The following GRK5 variants were observed in gnomAD, a reference collection of about 807,000 sequenced individuals.
GRK5 encodes g protein-coupled receptor kinase GRK5.
Under a neutral mutation model 78.4 loss-of-function variants are expected in GRK5, and 40 were observed. That is an observed-to-expected ratio of 0.51 (90% confidence interval 0.40 to 0.66). The LOEUF (loss-of-function observed/expected upper bound fraction) is 0.66, where lower values mean the gene tolerates loss of function less well. Ranked by LOEUF, GRK5 falls within the 30% of genes least tolerant of loss-of-function variation. GRK5 has a pLI of 0.00. For missense variants in GRK5, 598 were observed against 759.9 expected, an observed-to-expected ratio of 0.79 and a Z score of 2.50; for synonymous variants, 289 against 296.8, an observed-to-expected ratio of 0.97 and a Z score of 0.27.
chr10:119,286,584 CTGCTTTTCA>C (rs1351072279), intron 1 of GRK5, among the ~76,000 whole-genome samples: 3 of 152,240 alleles, frequency 2.0e-5, no homozygotes, highest in Non-Finnish European at 4.4e-5. Flanking sequence ...TCTGTTGACT[CTGCTTTTCA>C]ATTTGCTATA....
At chr10:119,211,046 A>G (rs1376557994) in intron 1 of GRK5, among the ~76,000 whole-genome samples, 2 of 149,738 alleles carry the variant, frequency 1.3e-5, no homozygotes, top group African/African-American at 5.0e-5. Context: ...TAGAAAATAT[A>G]GCAAGCAAGC....
chr10:119,329,536 G>T (rs555986904), intron 2 of GRK5, among the ~76,000 whole-genome samples: 2 of 152,198 alleles, frequency 1.3e-5, no homozygotes, highest in Admixed American at 6.5e-5. Flanking sequence ...CTCAAGACCA[G>T]CCTGACCAAC....
chr10:119,315,667 G>T (rs745853564), intron 1 of GRK5, among the ~76,000 whole-genome samples: 2 of 152,232 alleles, frequency 1.3e-5, no homozygotes, highest in Non-Finnish European at 2.9e-5. Context: ...CACCTGGGTA[G>T]AAAAGAACTG....
chr10:119,339,447 C>T (rs1055032870), intron 2 of GRK5, among the ~76,000 whole-genome samples: 2 of 152,254 alleles, frequency 1.3e-5, no homozygotes, highest in African/African-American at 2.4e-5. Flanking sequence ...AAAGCTGCAA[C>T]TCCTGTCTCC....
chr10:119,251,748 G>A (rs2133754197), intron 1 of GRK5, among the ~76,000 whole-genome samples: 2 of 152,284 alleles, frequency 1.3e-5, no homozygotes, highest in South Asian at 4.1e-4. Flanking sequence ...CATGGGGGCC[G>A]GCCTGTGCGT....
chr10:119,290,850 A>G (rs1290669529), intron 1 of GRK5, among the ~76,000 whole-genome samples: 2 of 152,038 alleles, frequency 1.3e-5, no homozygotes, highest in African/African-American at 2.4e-5. Flanking sequence ...TGTTTGTCTC[A>G]TCTTCTGGGC....
At chr10:119,359,932 T>G (rs1589763372) in intron 2 of GRK5, among the ~76,000 whole-genome samples, 1 of 149,094 alleles carries the variant, frequency 6.7e-6, no homozygotes, top group African/African-American at 2.5e-5. Flanking sequence ...TGAAGGGAGG[T>G]TGAGGAGATT....
chr10:119,444,729 T>C (rs1853108836), intron 12 of GRK5, among the ~76,000 whole-genome samples: 1 of 152,128 alleles, frequency 6.6e-6, no homozygotes, highest in Admixed American at 6.5e-5. Flanking sequence ...CCGTATCCCA[T>C]GTACCCGGAG....
chr10:119,436,944 C>A, intron 9 of GRK5, 103 bp downstream of exon 9: 1 of 1,089,158 alleles, frequency 9.2e-7, no homozygotes. Context: ...GGGAATCAGC[C>A]CTGGTCAGCA....
At chr10:119,333,687 G>A (rs550061054) in intron 2 of GRK5, 9 of 489,244 alleles carry the variant, frequency 1.8e-5, no homozygotes, top group South Asian at 1.4e-4. Context: ...TGTCTCTCTT[G>A]TATCTTGTAA....
At chr10:119,233,588 C>T (rs1052617110) in intron 1 of GRK5, among the ~76,000 whole-genome samples, 4 of 152,086 alleles carry the variant, frequency 2.6e-5, no homozygotes, top group African/African-American at 7.2e-5. Context: ...GCCAGATGTA[C>T]CCCCCTGGTT....
At chr10:119,373,517 G>C (rs1589770852) in intron 2 of GRK5, among the ~76,000 whole-genome samples, 1 of 152,316 alleles carries the variant, frequency 6.6e-6, no homozygotes. Context: ...GACGTCCCTT[G>C]CTCTTCTGTC....
At chr10:119,247,833 T>C (rs1045027968) in intron 1 of GRK5, among the ~76,000 whole-genome samples, 15 of 152,118 alleles carry the variant, frequency 9.9e-5, no homozygotes, top group African/African-American at 3.4e-4. Flanking sequence ...GAAGGATGCA[T>C]TTGGGATGTA....
intron 1 of GRK5, among the ~76,000 whole-genome samples, chr10:119,259,479 A>T (rs1849337943): frequency 6.6e-6 from 1 of 152,200 alleles, no homozygotes; most frequent in East Asian, 1.9e-4. Context: ...CTGAATGTTG[A>T]CACCCCAAAG....
chr10:119,294,606 G>A (rs1165937938), intron 1 of GRK5, among the ~76,000 whole-genome samples: 2 of 152,198 alleles, frequency 1.3e-5, no homozygotes, highest in East Asian at 1.9e-4. Context: ...TCTAGACTCT[G>A]TGTGGCCAGG....
At chr10:119,344,287 G>A (rs1015502424) in intron 2 of GRK5, among the ~76,000 whole-genome samples, 17 of 151,822 alleles carry the variant, frequency 1.1e-4, no homozygotes, top group East Asian at 5.8e-4. Flanking sequence ...CCATTAACTC[G>A]TCATTTACAT....
rs1853421287 is a variant in GRK5, at chr10:119,457,773, A to G, written c.*2706A>G. On this transcript the variant is annotated 3_prime_UTR_variant, in exon 16 of 16. Transcript: ENST00000392870. ...ATGATTCTGGCTCACTGCAGCCTCA[A>G]ACTCCTGAGTCCAAGCTATCCTCCT... 6.6e-6 allele frequency: 1 copy of G among 150,692 alleles called. No individual in the cohort carries two copies. Among genetic ancestry groups the G allele is most frequent in the African/African-American group, 2.4e-5 (1 of 40,900 alleles). 9.3% of individuals were successfully genotyped at this position (150,692 alleles called of 1,614,324 possible). A position where few individuals can be genotyped will look rare whatever the true frequency, so the allele number is the denominator to read the frequency against.
chr10:119,240,117 T>G (rs1421679176), intron 1 of GRK5, among the ~76,000 whole-genome samples: 1 of 151,302 alleles, frequency 6.6e-6, no homozygotes. Flanking sequence ...ATGGTAGAAC[T>G]AATTTACATT....
Position 119,457,822 on chromosome 10 carries a change from G to A in GRK5, c.*2755G>A, listed in dbSNP as rs1853421907. The A allele has an allele frequency of 6.6e-6, 1 of 151,244 alleles. No homozygotes were observed. Among genetic ancestry groups the A allele is most frequent in the Non-Finnish European group, 1.5e-5 (1 of 67,900 alleles). 9.4% of individuals were successfully genotyped at this position (151,244 alleles called of 1,614,324 possible). A position where few individuals can be genotyped will look rare whatever the true frequency, so the allele number is the denominator to read the frequency against. ...CTGCCTCAGCCTCCGAGGTAGCTGG[G>A]ACCATAGGCGTGCACCACCATACTC... is the stretch of plus-strand genomic sequence containing the variant. On this transcript the variant is annotated 3_prime_UTR_variant, in exon 16 of 16. Transcript: ENST00000392870.
Sources: gnomAD v4.1 joint callset for allele counts (sites outside exome capture counted in the v4.1 genomes callset) on GRCh38, gnomAD v4.1.1 for gene constraint, MANE v1.5 for transcripts, NCBI Gene and HGNC (gene_info 2026-07-23, HGNC 2026-07-21) for gene names.